Variants in ABHD4 observed in about 807,000 individuals in gnomAD.
The protein encoded by ABHD4 is abhydrolase domain containing 4, N-acyl phospholipase B.
A neutral mutation model predicts 42.3 loss-of-function variants in ABHD4; 35 were observed. That is an observed-to-expected ratio of 0.83 (90% CI 0.63 to 1.10). The LOEUF is 1.10. Ranked by LOEUF, ABHD4 falls within the 50% of genes least tolerant of loss-of-function variation. The probability of loss-of-function intolerance (pLI) is 0.00; values close to 1 mark genes in which losing one functional copy is unlikely to be tolerated. For synonymous variants in ABHD4, 169 were observed against 170.6 expected, an observed-to-expected ratio of 0.99 and a Z score of 0.07; for missense variants, 389 against 454.8, an observed-to-expected ratio of 0.86 and a Z score of 1.32.
chr14:22,599,667 C>T (rs1008291562), intron 1 of ABHD4, among the ~76,000 whole-genome samples: 4 of 152,192 alleles, frequency 2.6e-5, no homozygotes, highest in Non-Finnish European at 2.9e-5. Context: ...CCTTGGGTAG[C>T]GTTTCTCCTG....
intron 1 of ABHD4, 62 bp from the exon 2 acceptor site, chr14:22,601,605 G>A: frequency 6.7e-7 from 1 of 1,491,380 alleles, no homozygotes. Context: ...TCTCAGCAAG[G>A]CTAAGAGCAT....
At position 22,610,592 on chromosome 14, in the gene ABHD4, A is replaced by G. The variant is rs1010660899; in HGVS notation, c.940-267A>G. Reference sequence around the variant, plus strand: ...GGGTGCCAACCATGGGCCCAGGTTTACTGGACCTTTGGATTAAATGAGCAG... The same window carrying G: ...GGGTGCCAACCATGGGCCCAGGTTTGCTGGACCTTTGGATTAAATGAGCAG... On this transcript the variant is annotated intron_variant, in intron 6 of 6. Coordinates refer to ENST00000428304, the MANE Select transcript of ABHD4 (RefSeq NM_022060.3). 5.3e-5 allele frequency among the ~76,000 whole-genome samples: 8 copies of G among 152,182 alleles called. No homozygotes were observed. In the South Asian group the frequency reaches 1.7e-3, roughly 31 times the overall value.
In ABHD4 at chr14:22,603,789, G is replaced by T. The variant is rs759778239; in HGVS notation, c.485+27G>T. ...TAATAAGGAGATGGCTCCATCCCTC[G>T]TGACCTAATTCCTGGCCTTACTGGG... On this transcript the variant is annotated intron_variant, in intron 3 of 6. Transcript: ENST00000428304. 3.8e-6 allele frequency: 6 copies of T among 1,564,344 alleles called. No homozygotes were observed. In the Admixed American group the frequency reaches 1.1e-4, roughly 28 times the overall value.
intron 5 of ABHD4, among the ~76,000 whole-genome samples, chr14:22,607,947 A>AT (rs1164245709): frequency 6.6e-6 from 1 of 152,088 alleles, no homozygotes; most frequent in African/African-American, 2.4e-5. Context: ...AACTCTTATC[A>AT]TTTCCTTGGA....
rs1396987218 is a variant in ABHD4, at chr14:22,611,831, TG to T, written c.*885del. 2 of 153,116 alleles carry T rather than the reference TG, an allele frequency of 1.3e-5. No homozygotes were observed. Among genetic ancestry groups the T allele is most frequent in the African/African-American group, 4.8e-5 (2 of 41,462 alleles). 9.5% of individuals were successfully genotyped at this position (153,116 alleles called of 1,614,324 possible). On this transcript the variant is annotated 3_prime_UTR_variant, in exon 7 of 7. Coordinates refer to ENST00000428304, the MANE Select transcript of ABHD4 (RefSeq NM_022060.3). ...TTCCTTGCCCCATCTTCCTCCCAAC[TG>T]GAGGCCTCTGAGCCTCCCCTGTGCC...
intron 1 of ABHD4, chr14:22,600,140 T>G (rs1418538326): frequency 2.0e-5 from 9 of 455,564 alleles, no homozygotes; most frequent in Middle Eastern, 3.2e-4. Flanking sequence ...CTTTTAAAGA[T>G]GAGGAAGCTC....
At chr14:22,608,695 TTTTG>T (rs879710586) in intron 5 of ABHD4, among the ~76,000 whole-genome samples, 19 of 152,294 alleles carry the variant, frequency 1.2e-4, no homozygotes, top group Admixed American at 5.2e-4. Flanking sequence ...TTAAGTTGTT[TTTTG>T]TTTGTTTGTT....
rs1242225083 is a variant in ABHD4 at position 22,598,732 on chromosome 14, G to A, written c.23+403G>A. ...CCCCAGAACGGCAGTCGTGGGGATG[G>A]AGAGAGCCTCCTCCCTCCGCCCGGC... On this transcript the variant is annotated intron_variant, in intron 1 of 6. Transcript: ENST00000428304. 6.2e-5 allele frequency: 23 copies of A among 372,456 alleles called. No individual in the cohort carries two copies. The Admixed American group carries it at 8.5e-4, about 14-fold the overall frequency. The allele number at this position is 372,456 out of a possible 1,614,324, so 23.1% of individuals were successfully genotyped here.
intron 5 of ABHD4, among the ~76,000 whole-genome samples, chr14:22,607,126 G>A (rs1293136031): frequency 1.3e-5 from 2 of 151,980 alleles, no homozygotes; most frequent in African/African-American, 4.8e-5. Context: ...ATTTAATTAT[G>A]TGCATTTGAA....
intron 1 of ABHD4, among the ~76,000 whole-genome samples, chr14:22,601,044 C>T (rs1372542887): frequency 6.6e-6 from 1 of 152,164 alleles, no homozygotes; most frequent in Non-Finnish European, 1.5e-5. Context: ...CCAGAGGGAA[C>T]CTGTGTCCTG....
At chr14:22,610,543 C>G (rs1486922690) in intron 6 of ABHD4, among the ~76,000 whole-genome samples, 2 of 152,290 alleles carry the variant, frequency 1.3e-5, no homozygotes, top group African/African-American at 4.8e-5. Context: ...CCGCCATGTG[C>G]CAATGAGTGT....
intron 1 of ABHD4, among the ~76,000 whole-genome samples, chr14:22,601,085 G>A (rs991137336): frequency 1.3e-5 from 2 of 152,122 alleles, no homozygotes; most frequent in Admixed American, 1.3e-4. Flanking sequence ...TTGAATCCAG[G>A]TCTCTCACCT....
Position 22,602,983 on chromosome 14 carries a change from A to C in ABHD4, c.113-407A>C, listed in dbSNP as rs900396188. Among the ~76,000 whole-genome samples the C allele has an allele frequency of 2.0e-5, 3 of 152,220 alleles. No individual in the cohort carries two copies. The East Asian group carries it at 5.8e-4, about 29-fold the overall frequency. ...TATCAAAGATAAAGGGAGATATCAAAGATAAAGGGAGTTCTTTTCAAACCA... is the reference window on the plus strand; with the variant it reads ...TATCAAAGATAAAGGGAGATATCAACGATAAAGGGAGTTCTTTTCAAACCA... On this transcript the variant is annotated intron_variant, in intron 2 of 6. Transcript: ENST00000428304.
At chr14:22,600,559 C>A (rs534934330) in intron 1 of ABHD4, among the ~76,000 whole-genome samples, 1 of 152,284 alleles carries the variant, frequency 6.6e-6, no homozygotes, top group South Asian at 2.1e-4. Context: ...CTCACTCCCC[C>A]TTAGAGTGCC....
intron 1 of ABHD4, 133 bp downstream of exon 1, chr14:22,598,462 G>C (rs766232608): frequency 1.3e-6 from 2 of 1,537,062 alleles, no homozygotes; most frequent in Non-Finnish European, 8.8e-7. Flanking sequence ...CGGGGAGGGC[G>C]GGGGGTGGGT....
intron 3 of ABHD4, 23 bp downstream of exon 3, chr14:22,603,785 C>T: frequency 6.4e-7 from 1 of 1,562,932 alleles, no homozygotes; most frequent in Non-Finnish European, 8.7e-7. Flanking sequence ...TGGCTCCATC[C>T]CTCGTGACCT....
At chr14:22,609,287 C>CGT (rs56175601) in intron 5 of ABHD4, among the ~76,000 whole-genome samples, 48,062 of 151,950 alleles carry the variant, frequency 0.32, 7,910 homozygotes, top group Non-Finnish European at 0.37. Flanking sequence ...TGTGAGCCAC[C>CGT]GTGCCCAGCC....
At chr14:22,606,362 G>GA (rs2037349462) in intron 4 of ABHD4, 60 bp from the exon 5 acceptor site, 1 of 1,100,706 alleles carries the variant, frequency 9.1e-7, no homozygotes, top group Admixed American at 1.9e-5. Flanking sequence ...TACACAGGCA[G>GA]GAGTCTTCCC....
Position 22,601,715 on chromosome 14 carries a change from C to T in ABHD4, c.72C>T (p.Ser24=). 1 of 1,614,172 alleles carries T rather than the reference C, an allele frequency of 6.2e-7. No individual in the cohort carries two copies. The highest frequency in any genetic ancestry group is 8.5e-7 in the Non-Finnish European group (1 of 1,180,010). The change falls in exon 2 of 7, where the codon TCC becomes TCT. Residue 24 remains serine (S), a synonymous_variant. Coordinates refer to ENST00000428304, the MANE Select transcript of ABHD4 (RefSeq NM_022060.3). The part of the protein sequence containing the change: ...SSWLPTWRPT[S]MSQLKNVEAR... ...GGCTGCCCACGTGGCGCCCCACTTC[C>T]ATGTCTCAGCTGAAGAATGTGGAAG...
Sources: allele counts gnomAD v4.1 joint callset (sites outside exome capture counted in the v4.1 genomes callset), GRCh38; gene constraint gnomAD v4.1.1; transcripts MANE v1.5; gene names NCBI Gene and HGNC (gene_info 2026-07-23, HGNC 2026-07-21).